The following MSRA variants were observed in gnomAD, a reference collection of about 807,000 sequenced individuals.
MSRA encodes methionine sulfoxide reductase A.
A neutral mutation model predicts 31.3 loss-of-function variants in MSRA; 54 were observed. That is an observed-to-expected ratio of 1.73 (90% CI 1.39 to 2.17). The LOEUF (loss-of-function observed/expected upper bound fraction) is 2.17. Ranked by LOEUF, MSRA falls within the 30% of genes most tolerant of loss-of-function variation. MSRA has a pLI of 0.00. For missense variants in MSRA, 507 were observed against 300.9 expected (o/e 1.69, Z -5.07); for synonymous variants, 169 against 116.5 (o/e 1.45, Z -2.90).
chr8:10,168,069 C>G (rs1386560254), intron 1 of MSRA, among the ~76,000 whole-genome samples: 1 of 152,128 alleles, frequency 6.6e-6, no homozygotes, highest in Non-Finnish European at 1.5e-5. Flanking sequence ...ATCTATGTTA[C>G]TTACTAGCTT....
chr8:10,347,580 G>A (rs944681555), intron 5 of MSRA, among the ~76,000 whole-genome samples: 46 of 152,048 alleles, frequency 3.0e-4, no homozygotes, highest in African/African-American at 9.4e-4. Flanking sequence ...TCAGCCTGCC[G>A]CCTGGTCACT....
intron 1 of MSRA, among the ~76,000 whole-genome samples, chr8:10,114,444 T>G (rs1217172965): frequency 6.6e-6 from 1 of 152,244 alleles, no homozygotes; most frequent in East Asian, 1.9e-4. Flanking sequence ...TCATTTTACT[T>G]TGCTACCAAT....
intron 3 of MSRA, among the ~76,000 whole-genome samples, chr8:10,266,186 G>C (rs144968301): frequency 1.4e-4 from 21 of 152,320 alleles, no homozygotes; most frequent in Middle Eastern, 3.4e-3. Flanking sequence ...TTCTGGAGTA[G>C]TTGTACCATT....
rs934400923 is a variant in MSRA, at chr8:10,401,666, T to C, written c.544-26482T>C. 6.1e-5 allele frequency among the ~76,000 whole-genome samples: 8 copies of C among 130,462 alleles called. No individual in the cohort carries two copies. The East Asian group carries it at 2.0e-3, about 33-fold the overall frequency. 85.6% of individuals were successfully genotyped at this position (130,462 alleles called of 152,430 possible). A position where few individuals can be genotyped will look rare whatever the true frequency, so the allele number is the denominator to read the frequency against. On this transcript the variant is annotated intron_variant, in intron 5 of 5. Coordinates refer to ENST00000317173, the MANE Select transcript of MSRA (RefSeq NM_012331.5). The stretch of plus-strand genomic sequence containing the variant: ...AAAGTGGAAGCAACTTAAGTGCCCG[T>C]CATCAGATGAATGGGTAAAAAAAAA...
At chr8:10,098,012 C>T (rs1367907749) in intron 1 of MSRA, among the ~76,000 whole-genome samples, 2 of 151,986 alleles carry the variant, frequency 1.3e-5, no homozygotes, top group African/African-American at 2.4e-5. Context: ...GTATAATAGA[C>T]ACGTCTTTGT....
chr8:10,417,612 C>T (rs6601456), intron 5 of MSRA, among the ~76,000 whole-genome samples: 144,268 of 152,190 alleles, frequency 0.95, 68,708 homozygotes, highest in East Asian at 1. Flanking sequence ...TGTTTTCTTA[C>T]TAGTGGCTTT....
At chr8:10,334,914 G>C (rs1054918232) in intron 5 of MSRA, among the ~76,000 whole-genome samples, 2 of 152,212 alleles carry the variant, frequency 1.3e-5, no homozygotes, top group Non-Finnish European at 2.9e-5. Flanking sequence ...ATGGCTGTTC[G>C]GGCCCCGCCG....
chr8:10,100,081 C>G (rs549047866), intron 1 of MSRA, among the ~76,000 whole-genome samples: 3 of 152,150 alleles, frequency 2.0e-5, no homozygotes, highest in Non-Finnish European at 4.4e-5. Flanking sequence ...AGCTGCAGCA[C>G]TAGGGGCCTT....
intron 1 of MSRA, among the ~76,000 whole-genome samples, chr8:10,069,353 G>C (rs756503625): frequency 6.6e-6 from 1 of 152,196 alleles, no homozygotes; most frequent in African/African-American, 2.4e-5. Flanking sequence ...TAGTGGGAAA[G>C]CATCTAGTTT....
chr8:10,104,073 A>G (rs945613408), intron 1 of MSRA, among the ~76,000 whole-genome samples: 1 of 152,180 alleles, frequency 6.6e-6, no homozygotes, highest in African/African-American at 2.4e-5. Flanking sequence ...TAATGTGGGT[A>G]TGAGGCTGTA....
chr8:10,172,809 C>A (rs1455149229), intron 1 of MSRA, among the ~76,000 whole-genome samples: 1 of 152,192 alleles, frequency 6.6e-6, no homozygotes, highest in Non-Finnish European at 1.5e-5. Flanking sequence ...GATCTTGATT[C>A]ATTTGTTGGG....
At chr8:10,266,996 T>A (rs1311686399) in intron 3 of MSRA, among the ~76,000 whole-genome samples, 3 of 152,366 alleles carry the variant, frequency 2.0e-5, no homozygotes, top group South Asian at 4.1e-4. Context: ...TGTTTTGTTA[T>A]ATTCCTGATT....
At chr8:10,084,440 C>G (rs373006304) in intron 1 of MSRA, among the ~76,000 whole-genome samples, 1 of 152,246 alleles carries the variant, frequency 6.6e-6, no homozygotes, top group East Asian at 1.9e-4. Flanking sequence ...TTTAGTTCAT[C>G]AAACAGATCT....
intron 1 of MSRA, among the ~76,000 whole-genome samples, chr8:10,100,847 C>G (rs1318515790): frequency 6.6e-6 from 1 of 152,154 alleles, no homozygotes; most frequent in Admixed American, 6.5e-5. Context: ...ATCTCTCAGT[C>G]TTACACAATT....
chr8:10,153,112 C>G (rs1049010728), intron 1 of MSRA, among the ~76,000 whole-genome samples: 1 of 152,194 alleles, frequency 6.6e-6, no homozygotes, highest in African/African-American at 2.4e-5. Context: ...CTTACCACTA[C>G]TGAGCGGTAC....
At chr8:10,307,189 G>C (rs1214940848) in intron 4 of MSRA, among the ~76,000 whole-genome samples, 1 of 140,144 alleles carries the variant, frequency 7.1e-6, no homozygotes, top group Non-Finnish European at 1.5e-5. Context: ...TTTTTTTTGA[G>C]ACATGGTCTT....
rs191819123 is a variant in MSRA, at chr8:10,169,864, C to A, written c.143-37969C>A. On this transcript the variant is annotated intron_variant, in intron 1 of 5. Transcript: ENST00000317173. ...CTTGTCTTCTGAGACCCATTAAGCT[C>A]ACTTATTTGTTCTTGTAACTTTTTT... is the stretch of plus-strand genomic sequence containing the variant. 2.1e-3 allele frequency among the ~76,000 whole-genome samples: 319 copies of A among 150,400 alleles called. 1 individual carries two copies. The highest frequency in any genetic ancestry group is 7.0e-3 in the Admixed American group (106 of 15,138).
intron 5 of MSRA, among the ~76,000 whole-genome samples, chr8:10,384,087 G>T (rs893230434): frequency 2.4e-4 from 37 of 152,146 alleles, no homozygotes; most frequent in Non-Finnish European, 8.8e-5. Context: ...ACATTTAGCT[G>T]CCAGTTTCAG....
chr8:10,113,292 C>CTTTTTTTT lies in MSRA; in HGVS notation c.142+58649_142+58656dup, dbSNP rs10665004. Among the ~76,000 whole-genome samples the CTTTTTTTT allele has an allele frequency of 1.3e-3, 73 of 57,562 alleles. 4 individuals carry two copies. Among genetic ancestry groups the CTTTTTTTT allele is most frequent in the African/African-American group, 3.0e-3 (38 of 12,734 alleles). 37.8% of individuals were successfully genotyped at this position (57,562 alleles called of 152,430 possible). A position where few individuals can be genotyped will look rare whatever the true frequency, so the allele number is the denominator to read the frequency against. ...CATGGCTTTGGTGAAGACAGGTCTT[C>CTTTTTTTT]TTTTTTTTTTTTTTTTTTTTTTGGA... On this transcript the variant is annotated intron_variant, in intron 1 of 5. Transcript: ENST00000317173.
Sources: gnomAD v4.1 joint callset for allele counts (sites outside exome capture counted in the v4.1 genomes callset) on GRCh38, gnomAD v4.1.1 for gene constraint, MANE v1.5 for transcripts, NCBI Gene and HGNC (gene_info 2026-07-23, HGNC 2026-07-21) for gene names.